Variants in USP45 observed in about 807,000 individuals in gnomAD.
USP45 encodes the protein ubiquitin specific peptidase 45.
In USP45, 89 loss-of-function variants were observed where a neutral mutation model predicts 95.8. That is an observed-to-expected ratio of 0.93 (90% CI 0.78 to 1.11). The LOEUF (loss-of-function observed/expected upper bound fraction) is 1.11. USP45 is among the 50% of genes least tolerant of loss of function. The pLI, the probability that USP45 is intolerant of heterozygous loss-of-function variation, is 0.00. For synonymous variants in USP45, 281 were observed against 316.2 expected (o/e 0.89, Z 1.18); for missense variants, 898 against 942.5 (o/e 0.95, Z 0.62).
intron 9 of USP45, among the ~76,000 whole-genome samples, chr6:99,473,163 A>G (rs1486230493): frequency 2.0e-5 from 3 of 152,098 alleles, no homozygotes; most frequent in Admixed American, 2.0e-4. Context: ...AACATATAAG[A>G]ATAATTATTT....
intron 1 of USP45, chr6:99,515,008 C>T (rs1800846484): frequency 6.6e-6 from 1 of 152,322 alleles, no homozygotes; most frequent in Non-Finnish European, 1.5e-5. Flanking sequence ...ACGACGCTTC[C>T]AGAAAAGTCA....
chr6:99,447,084 CAAATTA>C (rs1199016457), intron 13 of USP45, among the ~76,000 whole-genome samples: 1 of 151,594 alleles, frequency 6.6e-6, no homozygotes, highest in African/African-American at 2.4e-5. Flanking sequence ...GTTTTTTAAA[CAAATTA>C]AAAAGTAACA....
chr6:99,485,047 A>G (rs1217327259), intron 7 of USP45, among the ~76,000 whole-genome samples: 1 of 152,002 alleles, frequency 6.6e-6, no homozygotes, highest in Non-Finnish European at 1.5e-5. Flanking sequence ...AAGTACATTT[A>G]GACCTGGCGC....
intron 9 of USP45, among the ~76,000 whole-genome samples, chr6:99,475,226 T>G (rs571646058): frequency 4.6e-5 from 7 of 151,758 alleles, no homozygotes; most frequent in Middle Eastern, 3.5e-3. Flanking sequence ...ACTAGGATAA[T>G]AAGAAGAATG....
At position 99,456,809 on chromosome 6, in the gene USP45, G is replaced by A. The variant is rs1257135792; in HGVS notation, c.1308+7795C>T. ...GAACAGAATAACAGCAATTGTTCAG[G>A]GAATAGGAGAGATAACCTTAAACTC... On this transcript the variant is annotated intron_variant, in intron 13 of 17. Transcript: ENST00000500704. 2.2e-5 allele frequency among the ~76,000 whole-genome samples: 3 copies of A among 136,474 alleles called. No individual in the cohort carries two copies. In the Admixed American group the frequency reaches 2.3e-4, roughly 11 times the overall value. 89.5% of individuals were successfully genotyped at this position (136,474 alleles called of 152,430 possible). A position where few individuals can be genotyped will look rare whatever the true frequency, so the allele number is the denominator to read the frequency against.
chr6:99,463,726 C>T (rs758938622), intron 13 of USP45, among the ~76,000 whole-genome samples: 6 of 145,030 alleles, frequency 4.1e-5, no homozygotes, highest in Non-Finnish European at 9.0e-5. Flanking sequence ...GCAGGAGAAT[C>T]GCTTGAACCC....
chr6:99,463,132 C>A lies in USP45; in HGVS notation c.1308+1472G>T, dbSNP rs142927389. Among the ~76,000 whole-genome samples, 5 of 152,064 alleles carry A rather than the reference C, an allele frequency of 3.3e-5. No homozygotes were observed. In the East Asian group the frequency reaches 5.8e-4, roughly 18 times the overall value. On this transcript the variant is annotated intron_variant, in intron 13 of 17. Coordinates refer to ENST00000500704, the MANE Select transcript of USP45 (RefSeq NM_001346022.3). ...CCATTTTCATGGGATAATACAACAG[C>A]CAGGTATGTCCCTAGTGAAATAATA...
intron 13 of USP45, among the ~76,000 whole-genome samples, chr6:99,459,863 G>GGTGGGGAATAGGGAGAGGA (rs1258294893): frequency 6.6e-6 from 1 of 152,132 alleles, no homozygotes; most frequent in Non-Finnish European, 1.5e-5. Flanking sequence ...ACCAAATGGT[G>GGTGGGGAATAGGGAGAGGA]GTGGGGAATA....
chr6:99,487,750 G>A (rs1056189236), intron 7 of USP45, among the ~76,000 whole-genome samples: 6 of 151,426 alleles, frequency 4.0e-5, no homozygotes, highest in Non-Finnish European at 8.8e-5. Context: ...AGCTGAGATC[G>A]CGCCACTGCA....
intron 11 of USP45, 24 bp from the exon 12 acceptor site, chr6:99,465,160 A>C (rs1356446215): frequency 6.4e-7 from 1 of 1,562,252 alleles, no homozygotes; most frequent in Non-Finnish European, 8.7e-7. Context: ...CACATTGAAA[A>C]CTTCAGTTAG....
intron 13 of USP45, among the ~76,000 whole-genome samples, chr6:99,455,087 C>CT (rs1220667640): frequency 2.5e-4 from 15 of 60,022 alleles, no homozygotes; most frequent in Non-Finnish European, 6.0e-4. Flanking sequence ...GACACTCCAT[C>CT]TCAAAAAAAA....
At chr6:99,449,599 C>G (rs992377339) in intron 13 of USP45, among the ~76,000 whole-genome samples, 2 of 151,708 alleles carry the variant, frequency 1.3e-5, no homozygotes, top group African/African-American at 4.8e-5. Context: ...CTTTAACACC[C>G]CACTGTCAAC....
chr6:99,457,526 G>A (rs992866562), intron 13 of USP45, among the ~76,000 whole-genome samples: 11 of 152,140 alleles, frequency 7.2e-5, no homozygotes, highest in African/African-American at 2.7e-4. Flanking sequence ...TTCTATGCAT[G>A]TATCAAAATA....
At chr6:99,490,986 CT>C (rs34025441) in intron 5 of USP45, among the ~76,000 whole-genome samples, 31,723 of 152,094 alleles carry the variant, frequency 0.21, 3,593 homozygotes, top group East Asian at 0.42. Flanking sequence ...TGGTTTCCCC[CT>C]ATTCCTGTTT....
At chr6:99,441,259 C>T (rs867816546) in intron 15 of USP45, among the ~76,000 whole-genome samples, 7 of 152,102 alleles carry the variant, frequency 4.6e-5, no homozygotes, top group African/African-American at 1.7e-4. Context: ...CGGCCGGGCA[C>T]GGTGGCTCAT....
chr6:99,453,512 T>C (rs1050400426), intron 13 of USP45, among the ~76,000 whole-genome samples: 1 of 152,006 alleles, frequency 6.6e-6, no homozygotes, highest in Non-Finnish European at 1.5e-5. Context: ...TGAAAGAAAC[T>C]GAAGGAGACA....
intron 5 of USP45, among the ~76,000 whole-genome samples, chr6:99,489,477 T>G (rs1043860116): frequency 6.6e-6 from 1 of 152,208 alleles, no homozygotes; most frequent in South Asian, 2.1e-4. Context: ...CACCATCCTA[T>G]AGTGGCAATT....
intron 4 of USP45, 73 bp downstream of exon 4, chr6:99,507,355 T>C (rs1583467701): frequency 2.7e-6 from 2 of 753,368 alleles, no homozygotes; most frequent in East Asian, 2.8e-5. Flanking sequence ...TATTTTACCT[T>C]AAAAGCTTAA....
chr6:99,507,179 C>T (rs1798733349), intron 4 of USP45, among the ~76,000 whole-genome samples: 1 of 152,168 alleles, frequency 6.6e-6, no homozygotes, highest in African/African-American at 2.4e-5. Context: ...TGCACTCCAG[C>T]CTTGGCGACA....
Sources: allele counts gnomAD v4.1 joint callset (sites outside exome capture counted in the v4.1 genomes callset), GRCh38; gene constraint gnomAD v4.1.1; transcripts MANE v1.5; gene names NCBI Gene and HGNC (gene_info 2026-07-23, HGNC 2026-07-21).